SSH1: variants seen among roughly 807,000 people sequenced by gnomAD.
SSH1 encodes slingshot protein phosphatase 1, also known as protein phosphatase Slingshot homolog 1.
A neutral mutation model predicts 79.7 loss-of-function variants in SSH1; 43 were observed. The ratio of observed to expected loss-of-function variants is 0.54; its 90% CI spans 0.42 to 0.70. The LOEUF is 0.70. Ranked by LOEUF, SSH1 falls within the 30% of genes least tolerant of loss-of-function variation. The pLI, the probability that SSH1 is intolerant of heterozygous loss-of-function variation, is 0.00. For missense variants in SSH1, 1,206 were observed against 1,358.8 expected (o/e 0.89, Z 1.77); for synonymous variants, 599 against 538.3 (o/e 1.11, Z -1.56).
In SSH1 at chr12:108,788,022, T is replaced by G; in HGVS notation, c.3116A>C (p.Asn1039Thr). Residue 1039 changes from asparagine to threonine, a missense_variant, in exon 15 of 15, where the codon AAC becomes ACC. Asn to Thr is a moderately conservative substitution (Grantham distance 65). Coordinates refer to ENST00000326495, the MANE Select transcript of SSH1 (RefSeq NM_018984.4). ...SKPSGKPAPENLKSPSWMSKS is the reference protein window; with the variant it reads ...SKPSGKPAPETLKSPSWMSKS ...GCTCATCCACGAAGGGCTCTTTAAGTTTTCTGGGGCGGGTTTCCCTGATGG... is the reference window on the plus strand; with the variant it reads ...GCTCATCCACGAAGGGCTCTTTAAGGTTTCTGGGGCGGGTTTCCCTGATGG... The G allele has an allele frequency of 6.2e-7, 1 of 1,613,746 alleles. No individual in the cohort carries two copies.
At chr12:108,849,085 C>T (rs1436891598) in intron 2 of SSH1, among the ~76,000 whole-genome samples, 1 of 152,206 alleles carries the variant, frequency 6.6e-6, no homozygotes, top group Non-Finnish European at 1.5e-5. Context: ...TTAGAGGTCT[C>T]GCTTCAAATA....
intron 2 of SSH1, among the ~76,000 whole-genome samples, chr12:108,849,838 C>T (rs2137285430): frequency 1.2e-5 from 1 of 86,604 alleles, no homozygotes; most frequent in Middle Eastern, 5.3e-3. Context: ...GGGGAGGAGG[C>T]ATGGGGGAGG....
At chr12:108,824,379 C>T (rs1228188305) in intron 2 of SSH1, among the ~76,000 whole-genome samples, 1 of 151,384 alleles carries the variant, frequency 6.6e-6, no homozygotes, top group African/African-American at 2.4e-5. Context: ...GCCCCAGGGA[C>T]GGAGGTTGGA....
rs1366113910 is a variant in SSH1, at chr12:108,817,074, T to C, written c.365A>G (p.Asn122Ser). The change falls in exon 5 of 15, where the codon AAT becomes AGT. Residue 122 changes from asparagine (N) to serine (S), a missense_variant. Coordinates refer to ENST00000326495, the MANE Select transcript of SSH1 (RefSeq NM_018984.4). ...GGAAAAGTCCACTCCCAGCAAGATA[T>C]TCTCCTCGGTGTCCTGGCGCCCGCT... is the stretch of plus-strand genomic sequence containing the variant. ...YSSGRQDTEE[N>S]ILLGVDFSSK... 6.2e-7 allele frequency: 1 copy of C among 1,614,108 alleles called. No homozygotes were observed. Among genetic ancestry groups the C allele is most frequent in the East Asian group, 2.2e-5 (1 of 44,874 alleles).
At chr12:108,802,673 A>T (rs2037069503) in intron 10 of SSH1, among the ~76,000 whole-genome samples, 1 of 151,932 alleles carries the variant, frequency 6.6e-6, no homozygotes, top group East Asian at 1.9e-4. Flanking sequence ...CTTTCCTAAG[A>T]GTCCAGTGGG....
At chr12:108,823,385 C>G in intron 2 of SSH1, 24 bp from the exon 3 acceptor site, 3 of 1,542,932 alleles carry the variant, frequency 1.9e-6, no homozygotes, top group Non-Finnish European at 2.6e-6. Flanking sequence ...GACCAGAGCA[C>G]AGTTAGACCG....
chr12:108,825,656 C>G (rs1470656054), intron 2 of SSH1, among the ~76,000 whole-genome samples: 1 of 152,228 alleles, frequency 6.6e-6, no homozygotes, highest in Non-Finnish European at 1.5e-5. Flanking sequence ...AGATGCACTG[C>G]CGAGTCATCC....
chr12:108,819,542 A>G (rs904454188), intron 3 of SSH1, among the ~76,000 whole-genome samples: 19 of 152,194 alleles, frequency 1.2e-4, no homozygotes, highest in South Asian at 2.1e-4. Flanking sequence ...AGAGATGCTA[A>G]TATCAGCCTG....
At position 108,853,953 on chromosome 12, in the gene SSH1, C is replaced by CCTGGGAGT. The variant is rs1266522679; in HGVS notation, c.70-1283_70-1276dup. ...AAAAAAAAAAGCGTACACCAGAGGG[C>CCTGGGAGT]CTGGGAGTCCCTACATCATATTAAG... is the stretch of plus-strand genomic sequence containing the variant. On this transcript the variant is annotated intron_variant, in intron 1 of 14. Coordinates refer to ENST00000326495, the MANE Select transcript of SSH1 (RefSeq NM_018984.4). Among the ~76,000 whole-genome samples, 5 of 150,788 alleles carry CCTGGGAGT rather than the reference C, an allele frequency of 3.3e-5. 1 individual carries two copies. Among genetic ancestry groups the CCTGGGAGT allele is most frequent in the African/African-American group, 1.2e-4 (5 of 41,072 alleles).
chr12:108,830,526 T>G (rs1300245188), intron 2 of SSH1, among the ~76,000 whole-genome samples: 1 of 152,106 alleles, frequency 6.6e-6, no homozygotes, highest in Non-Finnish European at 1.5e-5. Flanking sequence ...ATGGGCTTCA[T>G]AAAGATACCT....
intron 1 of SSH1, among the ~76,000 whole-genome samples, chr12:108,855,378 G>C (rs1474406867): frequency 6.6e-6 from 1 of 152,154 alleles, no homozygotes; most frequent in Non-Finnish European, 1.5e-5. Context: ...AACGGGTACA[G>C]GGTTCCTATT....
At chr12:108,792,231 T>TA (rs1279755607) in intron 14 of SSH1, 55 bp downstream of exon 14, 2 of 1,613,578 alleles carry the variant, frequency 1.2e-6, no homozygotes, top group South Asian at 1.1e-5. Flanking sequence ...GTAGGCCAAT[T>TA]AGAGTGGGAT....
chr12:108,828,101 C>T (rs1037295311), intron 2 of SSH1, among the ~76,000 whole-genome samples: 80 of 152,074 alleles, frequency 5.3e-4, no homozygotes, highest in African/African-American at 1.8e-3. Context: ...ATAACCATGA[C>T]GCAGGAGAGA....
At chr12:108,806,868 CCTT>C (rs887072124) in intron 8 of SSH1, among the ~76,000 whole-genome samples, 1 of 152,246 alleles carries the variant, frequency 6.6e-6, no homozygotes, top group African/African-American at 2.4e-5. Context: ...CCAGGATAAT[CCTT>C]CTTCCCCATG....
At chr12:108,837,783 T>A (rs1347791248) in intron 2 of SSH1, among the ~76,000 whole-genome samples, 1 of 152,086 alleles carries the variant, frequency 6.6e-6, no homozygotes, top group African/African-American at 2.4e-5. Flanking sequence ...TACCAATTTT[T>A]TTTTTTTTCC....
At chr12:108,853,465 G>C in intron 1 of SSH1, 1 of 509,492 alleles carries the variant, frequency 2.0e-6, no homozygotes, top group South Asian at 8.5e-5. Context: ...CCATTGAATG[G>C]GAAAGAGAAA....
At chr12:108,811,710 C>A in intron 5 of SSH1, 1 of 343,584 alleles carries the variant, frequency 2.9e-6, no homozygotes, top group Non-Finnish European at 5.7e-6. Context: ...CGTGCTCACA[C>A]CGTTCCCGGA....
Position 108,779,964 on chromosome 12 carries a change from C to G in SSH1, c.*8024G>C, listed in dbSNP as rs1371104446. 6.6e-6 allele frequency: 1 copy of G among 152,326 alleles called. No individual in the cohort carries two copies. The highest frequency in any genetic ancestry group is 1.5e-5 in the Non-Finnish European group (1 of 68,136). The allele number at this position is 152,326 out of a possible 1,614,324, so 9.4% of individuals were successfully genotyped here. A position where few individuals can be genotyped will look rare whatever the true frequency, so the allele number is the denominator to read the frequency against. On this transcript the variant is annotated 3_prime_UTR_variant, in exon 15 of 15. Coordinates refer to ENST00000326495, the MANE Select transcript of SSH1 (RefSeq NM_018984.4). ...TGCTGGGATTACAGGCGTGAGCCAC[C>G]GTGCCCAACCCTCTCACCTCTTTTG...
intron 14 of SSH1, among the ~76,000 whole-genome samples, chr12:108,789,640 GAC>G (rs1184578368): frequency 6.6e-6 from 1 of 152,148 alleles, no homozygotes; most frequent in African/African-American, 2.4e-5. Flanking sequence ...GGGAGAGAGG[GAC>G]AAGTTCTAAG....
Sources: allele counts gnomAD v4.1 joint callset (sites outside exome capture counted in the v4.1 genomes callset), GRCh38; gene constraint gnomAD v4.1.1; transcripts MANE v1.5; gene names NCBI Gene and HGNC (gene_info 2026-07-23, HGNC 2026-07-21).